PCDHA7: variants seen among roughly 807,000 people sequenced by gnomAD.
PCDHA7 encodes protocadherin alpha-7.
A neutral mutation model predicts 57.2 loss-of-function variants in PCDHA7; 37 were observed. The ratio of observed to expected loss-of-function variants is 0.65; its 90% CI spans 0.50 to 0.85. The LOEUF is 0.85. Ranked by LOEUF, PCDHA7 falls within the 40% of genes least tolerant of loss-of-function variation. The pLI, the probability that PCDHA7 is intolerant of heterozygous loss-of-function variation, is 0.00. For synonymous variants in PCDHA7, 553 were observed against 558.8 expected (o/e 0.99, Z 0.15); for missense variants, 1,188 against 1,241.8 (o/e 0.96, Z 0.65).
intron 1 of PCDHA7, among the ~76,000 whole-genome samples, chr5:140,905,012 C>A (rs1335177928): frequency 6.6e-6 from 1 of 152,054 alleles, no homozygotes; most frequent in Non-Finnish European, 1.5e-5. Context: ...TTTGCTAATT[C>A]TTTTCTATGC....
chr5:140,951,176 A>G (rs1392502599), intron 1 of PCDHA7, among the ~76,000 whole-genome samples: 1 of 151,676 alleles, frequency 6.6e-6, no homozygotes, highest in Non-Finnish European at 1.5e-5. Context: ...CTTTAAAGTC[A>G]TTGTCCGCTA....
intron 1 of PCDHA7, among the ~76,000 whole-genome samples, chr5:140,956,211 TCCTTG>T (rs2095268091): frequency 6.6e-6 from 1 of 152,198 alleles, no homozygotes; most frequent in Non-Finnish European, 1.5e-5. Flanking sequence ...AAAGAGGGCA[TCCTTG>T]TCTTGTGCTG....
chr5:140,840,076 AG>A (rs1237018170), intron 1 of PCDHA7, among the ~76,000 whole-genome samples: 2 of 152,044 alleles, frequency 1.3e-5, no homozygotes, highest in Non-Finnish European at 2.9e-5. Context: ...GTCAATAGAA[AG>A]ATAAACTTGT....
At chr5:140,920,636 G>C (rs1477753704) in intron 1 of PCDHA7, among the ~76,000 whole-genome samples, 1 of 152,096 alleles carries the variant, frequency 6.6e-6, no homozygotes, top group Non-Finnish European at 1.5e-5. Context: ...ACAAGGTCAA[G>C]AGATTGAGAC....
At position 140,853,803 on chromosome 5, in the gene PCDHA7, C is replaced by T. The variant is rs574954325; in HGVS notation, c.2355+17065C>T. ...GTAAGAGCAAATTTTCATTTTAAAG[C>T]ACACCTGAGATGATTCTCATACAAC... On this transcript the variant is annotated intron_variant, in intron 1 of 3. Transcript: ENST00000525929. 88 of 986,658 alleles carry T rather than the reference C, an allele frequency of 8.9e-5. 10 individuals are homozygous for T. The highest frequency in any genetic ancestry group is 1.9e-4 in the South Asian group (4 of 21,086). The allele number at this position is 986,658 out of a possible 1,614,324, so 61.1% of individuals were successfully genotyped here. A position where few individuals can be genotyped will look rare whatever the true frequency, so the allele number is the denominator to read the frequency against.
At position 140,836,589 on chromosome 5, in the gene PCDHA7, A is replaced by G; in HGVS notation, c.2206A>G (p.Lys736Glu). Residue 736 changes from lysine (K) to glutamate (E), a missense_variant, in exon 1 of 4, where the codon AAG (lysine) becomes GAG (glutamate). Lys to Glu is a moderately conservative substitution (Grantham distance 56). Coordinates refer to ENST00000525929, the MANE Select transcript of PCDHA7 (RefSeq NM_018910.3). ...CTCTGAGGGCGCATGTAGTTTGGTA[A>G]AGCCCACTCTGGTGTGCTCCAGCGC... ...PSSEGACSLV[K>E]PTLVCSSAVG... 2 of 1,613,682 alleles carry G rather than the reference A, an allele frequency of 1.2e-6. No individual in the cohort carries two copies.
chr5:140,976,303 C>A (rs1458121600), intron 1 of PCDHA7, among the ~76,000 whole-genome samples: 10 of 152,090 alleles, frequency 6.6e-5, no homozygotes, highest in Non-Finnish European at 1.3e-4. Flanking sequence ...GTAATCCCAG[C>A]ACTTTGGGAG....
chr5:140,926,569 A>T (rs1245214494), intron 1 of PCDHA7: 1 of 261,750 alleles, frequency 3.8e-6, no homozygotes, highest in Admixed American at 5.3e-5. Context: ...CTGCTACTGG[A>T]GACAGCACCT....
In PCDHA7 at chr5:140,855,793, CAT is replaced by C. The variant is rs1336692257; in HGVS notation, c.2355+19058_2355+19059del. On this transcript the variant is annotated intron_variant, in intron 1 of 3. Coordinates refer to ENST00000525929, the MANE Select transcript of PCDHA7 (RefSeq NM_018910.3). ...TAAAAATACGTAAAAAAAGAATTAA[CAT>C]ATGAATGAAAGAAAAGTTGTGAACT... 3.6e-4 allele frequency: 165 copies of C among 456,916 alleles called. 2 individuals are homozygous for C. The East Asian group carries it at 4.8e-3, about 13-fold the overall frequency. The allele number at this position is 456,916 out of a possible 1,614,324, so 28.3% of individuals were successfully genotyped here.
At chr5:140,911,189 A>T (rs1369810973) in intron 1 of PCDHA7, among the ~76,000 whole-genome samples, 1 of 152,126 alleles carries the variant, frequency 6.6e-6, no homozygotes, top group African/African-American at 2.4e-5. Flanking sequence ...TGGGTTGGGG[A>T]GGACATGTTG....
intron 1 of PCDHA7, among the ~76,000 whole-genome samples, chr5:140,896,881 A>C (rs1436700773): frequency 9.9e-5 from 15 of 152,204 alleles, no homozygotes; most frequent in Non-Finnish European, 1.3e-4. Context: ...TTTATGGGGT[A>C]TATGAGACAT....
chr5:140,870,879 G>T (rs1554164779), intron 1 of PCDHA7: 2 of 1,613,952 alleles, frequency 1.2e-6, no homozygotes, highest in African/African-American at 2.7e-5. Context: ...TGGTGGCGAA[G>T]GTGCGCGCAG....
rs1774313279 is a variant in PCDHA7, at chr5:140,836,238, A to C, written c.1855A>C (p.Ser619Arg). 6.2e-7 allele frequency: 1 copy of C among 1,613,700 alleles called. No individual in the cohort carries two copies. Among genetic ancestry groups the C allele is most frequent in the Admixed American group, 1.7e-5 (1 of 60,018 alleles). ...GTTGCAACCGGTGGCGGCCGGTGCG[A>C]GCATCCCGTTCCGCGTGGGGCTGTA... ...YELQPVAAGA[S>R]IPFRVGLYTG... The change falls in exon 1 of 4, where the codon AGC (serine) becomes CGC (arginine). Residue 619 changes from serine (S) to arginine (R), a missense_variant. Physicochemically the swap from Ser to Arg is moderately radical, Grantham distance 110. Coordinates refer to ENST00000525929, the MANE Select transcript of PCDHA7 (RefSeq NM_018910.3).
At chr5:140,954,592 T>G (rs1250050362) in intron 1 of PCDHA7, among the ~76,000 whole-genome samples, 13 of 152,236 alleles carry the variant, frequency 8.5e-5, no homozygotes, top group Non-Finnish European at 5.9e-5. Flanking sequence ...TCTGTTCATG[T>G]TCTTTGCCCA....
chr5:140,857,296 G>C (rs2044488261), intron 1 of PCDHA7: 3 of 1,598,562 alleles, frequency 1.9e-6, no homozygotes, highest in Admixed American at 3.4e-5. Flanking sequence ...ACCGCGAGAG[G>C]GTGTCGGCCT....
chr5:141,006,069 C>T (rs1588119997), intron 3 of PCDHA7, among the ~76,000 whole-genome samples: 1 of 148,482 alleles, frequency 6.7e-6, no homozygotes, highest in African/African-American at 2.5e-5. Flanking sequence ...AAATAAAAAT[C>T]AGATTATTGA....
intron 1 of PCDHA7, chr5:140,849,157 A>T: frequency 8.3e-7 from 1 of 1,209,676 alleles, no homozygotes; most frequent in Non-Finnish European, 1.1e-6. Flanking sequence ...GGCAAACCCG[A>T]GCTGACTGGC....
chr5:140,848,352 TC>T, intron 1 of PCDHA7: 1 of 1,003,034 alleles, frequency 1.0e-6, no homozygotes, highest in Non-Finnish European at 1.5e-6. Context: ...ACAGCCCTTT[TC>T]CCATGGGAAA....
chr5:140,868,262 C>T (rs904607540), intron 1 of PCDHA7: 10 of 151,822 alleles, frequency 6.6e-5, no homozygotes, highest in African/African-American at 2.4e-4. Flanking sequence ...TTTGTGGATT[C>T]TTTTTTAAAA....
Sources: allele counts gnomAD v4.1 joint callset (sites outside exome capture counted in the v4.1 genomes callset), GRCh38; gene constraint gnomAD v4.1.1; transcripts MANE v1.5; gene names NCBI Gene and HGNC (gene_info 2026-07-23, HGNC 2026-07-21).